Variants in TPO observed in about 807,000 individuals in gnomAD.
The protein encoded by TPO is thyroid peroxidase, also known as thyroid microsomal antigen.
Under a neutral mutation model 96.9 loss-of-function variants are expected in TPO, and 78 were observed. That is an observed-to-expected ratio of 0.81 (90% CI 0.67 to 0.97). The LOEUF (loss-of-function observed/expected upper bound fraction) is 0.97. TPO is among the 50% of genes least tolerant of loss of function. The pLI is 0.00. For missense variants in TPO, 1,252 were observed against 1,274.8 expected, an observed-to-expected ratio of 0.98 and a Z score of 0.27; for synonymous variants, 547 against 538.0, an observed-to-expected ratio of 1.02 and a Z score of -0.23.
chr2:1,431,287 C>A (rs1270955981), intron 3 of TPO, among the ~76,000 whole-genome samples: 1 of 152,184 alleles, frequency 6.6e-6, no homozygotes, highest in African/African-American at 2.4e-5. Context: ...CTTGCTCCTT[C>A]TCTCACCATG....
chr2:1,518,671 C>T (rs1674949613), intron 15 of TPO, among the ~76,000 whole-genome samples: 1 of 152,254 alleles, frequency 6.6e-6, no homozygotes, highest in Non-Finnish European at 1.5e-5. Context: ...AACTAACATA[C>T]ACCATAATTC....
At chr2:1,422,364 G>GCTGGACCGACCTCGTGCAGGCGCCTCTC (rs1573110551) in intron 2 of TPO, among the ~76,000 whole-genome samples, 13 of 118,252 alleles carry the variant, frequency 1.1e-4, no homozygotes, top group East Asian at 6.4e-4. Context: ...CAGGCGCCGC[G>GCTGGACCGACCTCGTGCAGGCGCCTCTC]CTGGACCGAC....
intron 7 of TPO, among the ~76,000 whole-genome samples, chr2:1,463,428 C>A (rs561352432): frequency 6.6e-6 from 1 of 152,116 alleles, no homozygotes; most frequent in African/African-American, 2.4e-5. Context: ...TGAGTATTTA[C>A]GGTGGAGTGA....
At chr2:1,475,325 A>G (rs1669788695) in intron 7 of TPO, among the ~76,000 whole-genome samples, 1 of 151,102 alleles carries the variant, frequency 6.6e-6, no homozygotes, top group African/African-American at 2.4e-5. Flanking sequence ...GCTGAATTTC[A>G]GCTCCTCCCT....
At chr2:1,495,698 C>G (rs1314190941) in intron 11 of TPO, among the ~76,000 whole-genome samples, 1 of 152,228 alleles carries the variant, frequency 6.6e-6, no homozygotes, top group Non-Finnish European at 1.5e-5. Context: ...TCCTCAGTAC[C>G]TGCACCTGAG....
chr2:1,490,938 G>A (rs912197443), intron 10 of TPO, among the ~76,000 whole-genome samples: 4 of 152,174 alleles, frequency 2.6e-5, no homozygotes, highest in South Asian at 2.1e-4. Flanking sequence ...TTGGGAGGCC[G>A]AGGCGGGCAG....
intron 2 of TPO, among the ~76,000 whole-genome samples, chr2:1,415,818 C>A (rs542692978): frequency 2.0e-5 from 3 of 152,226 alleles, no homozygotes; most frequent in Non-Finnish European, 2.9e-5. Context: ...CCACACCCAG[C>A]CCAGCCTCCT....
chr2:1,390,019 CT>C (rs5828818), intron 1 of TPO, among the ~76,000 whole-genome samples: 18,358 of 137,854 alleles, frequency 0.13, 2,007 homozygotes, highest in East Asian at 0.33. Flanking sequence ...TCTTTCTTTT[CT>C]TTTTTTTTTT....
chr2:1,479,596 G>C (rs1670341425), intron 8 of TPO, among the ~76,000 whole-genome samples: 1 of 152,140 alleles, frequency 6.6e-6, no homozygotes, highest in African/African-American at 2.4e-5. Flanking sequence ...CTTCTCCATG[G>C]AGTTCTGGGA....
chr2:1,497,663 A>G (rs1384801122), intron 13 of TPO, among the ~76,000 whole-genome samples: 1 of 152,050 alleles, frequency 6.6e-6, no homozygotes. Flanking sequence ...CTCAGATGAC[A>G]CTCACCAGCA....
intron 1 of TPO, among the ~76,000 whole-genome samples, chr2:1,401,807 C>A (rs1224368960): frequency 6.6e-6 from 1 of 152,198 alleles, no homozygotes; most frequent in East Asian, 1.9e-4. Flanking sequence ...CACTCTGCAG[C>A]ACATCCTGAA....
At chr2:1,464,537 C>T (rs1179532105) in intron 7 of TPO, among the ~76,000 whole-genome samples, 3 of 152,158 alleles carry the variant, frequency 2.0e-5, no homozygotes, top group East Asian at 3.8e-4. Flanking sequence ...GTGTTGTTCC[C>T]TTTTCACCAT....
chr2:1,491,030 C>T (rs1197920536), intron 10 of TPO, among the ~76,000 whole-genome samples: 3 of 152,028 alleles, frequency 2.0e-5, no homozygotes, highest in Non-Finnish European at 4.4e-5. Context: ...ATCAGCTGGG[C>T]GTGGTGGCAG....
intron 10 of TPO, among the ~76,000 whole-genome samples, chr2:1,489,391 T>G: frequency 6.6e-6 from 1 of 152,214 alleles, no homozygotes; most frequent in East Asian, 1.9e-4. Context: ...CTTGATCTCC[T>G]CATGTTCCCA....
chr2:1,524,928 C>T (rs868393987), intron 15 of TPO, among the ~76,000 whole-genome samples: 3 of 130,212 alleles, frequency 2.3e-5, no homozygotes, highest in African/African-American at 5.8e-5. Flanking sequence ...CCGCTGTGTG[C>T]AACCTCCTCA....
chr2:1,432,580 GA>G (rs1440265159), intron 3 of TPO, among the ~76,000 whole-genome samples: 13 of 138,332 alleles, frequency 9.4e-5, no homozygotes, highest in African/African-American at 2.7e-4. Context: ...TGCAGGTGAG[GA>G]GAGGCCTGCA....
At position 1,468,386 on chromosome 2, in the gene TPO, G is replaced by A. The variant is rs140615928; in HGVS notation, c.820-8700G>A. On this transcript the variant is annotated intron_variant, in intron 7 of 16. Transcript: ENST00000329066. ...TTTAGAGCTCCTTTTAGCAGTTCTT[G>A]TAGTGCTGCCTTGGTAGGGGTGAAT... 1.4e-3 allele frequency among the ~76,000 whole-genome samples: 209 copies of A among 152,252 alleles called. 1 individual carries two copies. Among genetic ancestry groups the A allele is most frequent in the African/African-American group, 5.0e-3 (206 of 41,540 alleles).
chr2:1,529,341 G>C (rs375291506), intron 15 of TPO, among the ~76,000 whole-genome samples: 3 of 40,402 alleles, frequency 7.4e-5, no homozygotes, highest in South Asian at 7.4e-4. Flanking sequence ...TTCCCCCACT[G>C]TGTGCAACCT....
chr2:1,422,346 A>C (rs1663737789), intron 2 of TPO, among the ~76,000 whole-genome samples: 1 of 138,398 alleles, frequency 7.2e-6, no homozygotes, highest in African/African-American at 2.5e-5. Flanking sequence ...TCCTGGACCG[A>C]CCTCGTGCAG....
Sources: gnomAD v4.1 joint callset for allele counts (sites outside exome capture counted in the v4.1 genomes callset) on GRCh38, gnomAD v4.1.1 for gene constraint, MANE v1.5 for transcripts, NCBI Gene and HGNC (gene_info 2026-07-23, HGNC 2026-07-21) for gene names.